The following RIC1 variants were observed in gnomAD, a reference collection of about 807,000 sequenced individuals.
RIC1 encodes the protein guanine nucleotide exchange factor subunit RIC1.
Under a neutral mutation model 169.0 loss-of-function variants are expected in RIC1, and 88 were observed. The ratio of observed to expected loss-of-function variants is 0.52; its 90% confidence interval spans 0.44 to 0.62. The LOEUF is 0.62. Among genes scored for constraint, RIC1 ranks in the 20% least tolerant of loss-of-function variants. The pLI, the probability that RIC1 is intolerant of heterozygous loss-of-function variation, is 0.00. For synonymous variants in RIC1, 790 were observed against 601.5 expected, an observed-to-expected ratio of 1.31 and a Z score of -4.59; for missense variants, 1,877 against 1,725.5, an observed-to-expected ratio of 1.09 and a Z score of -1.56.
chr9:5,707,213 TTTAG>T (rs1247139251), intron 3 of RIC1, among the ~76,000 whole-genome samples: 2 of 152,290 alleles, frequency 1.3e-5, no homozygotes, highest in South Asian at 4.1e-4. Context: ...TTTACTGATT[TTTAG>T]TTATATTCCA....
At chr9:5,717,697 T>G (rs575657753) in intron 4 of RIC1, among the ~76,000 whole-genome samples, 52 of 151,306 alleles carry the variant, frequency 3.4e-4, no homozygotes, top group Middle Eastern at 3.4e-3. Flanking sequence ...ACAGAAAAAT[T>G]AGCTGGGCGT....
chr9:5,736,050 A>C (rs1824684476), intron 7 of RIC1, among the ~76,000 whole-genome samples: 1 of 152,220 alleles, frequency 6.6e-6, no homozygotes, highest in Admixed American at 6.5e-5. Flanking sequence ...AGCACTATAG[A>C]ATACCTAAAA....
intron 3 of RIC1, among the ~76,000 whole-genome samples, chr9:5,693,063 C>G (rs1821681791): frequency 6.6e-6 from 1 of 152,034 alleles, no homozygotes; most frequent in African/African-American, 2.4e-5. Flanking sequence ...ATGCTCCATC[C>G]AGCTACTACT....
intron 2 of RIC1, among the ~76,000 whole-genome samples, chr9:5,688,886 A>G (rs1821418914): frequency 6.6e-6 from 1 of 152,012 alleles, no homozygotes; most frequent in South Asian, 2.1e-4. Context: ...CTGCCACTTC[A>G]CTCTGTTAGG....
At position 5,757,355 on chromosome 9, in the gene RIC1, C is replaced by T. The variant is rs761132708; in HGVS notation, c.1896C>T (p.Ser632=). The T allele has an allele frequency of 6.2e-7, 1 of 1,613,980 alleles. No homozygotes were observed. Among genetic ancestry groups the T allele is most frequent in the East Asian group, 2.2e-5 (1 of 44,876 alleles). ...GTATTCAAGTTCTTCAGGAGGTTTC[C>T]ATGTCACGCTACATTCCTCACCCTT... ...TAGIQVLQEV[S]MSRYIPHPFL... The change falls in exon 17 of 26, where the codon TCC becomes TCT. Residue 632 remains serine, a synonymous_variant. Transcript: ENST00000414202.
At chr9:5,726,552 C>A (rs1209369405) in intron 6 of RIC1, among the ~76,000 whole-genome samples, 1 of 152,184 alleles carries the variant, frequency 6.6e-6, no homozygotes, top group Non-Finnish European at 1.5e-5. Flanking sequence ...AGTCCATTTA[C>A]ATTTAAGGTT....
Position 5,746,173 on chromosome 9 carries a change from A to G in RIC1, c.1248+90A>G, listed in dbSNP as rs1262507818. ...TGACATATGTATGGCGTATACTTCT[A>G]AAATTGGCATATTATCTTCTTTTCT... On this transcript the variant is annotated intron_variant, in intron 11 of 25. Transcript: ENST00000414202. 17 of 871,160 alleles carry G rather than the reference A, an allele frequency of 2.0e-5. No individual in the cohort carries two copies. The Admixed American group carries it at 2.1e-4, about 11-fold the overall frequency. The allele number at this position is 871,160 out of a possible 1,614,324, so 54.0% of individuals were successfully genotyped here.
chr9:5,704,966 G>C (rs1022721686), intron 3 of RIC1, among the ~76,000 whole-genome samples: 9 of 152,120 alleles, frequency 5.9e-5, no homozygotes, highest in African/African-American at 2.2e-4. Context: ...ATAATCAATT[G>C]ACCATAGGTA....
intron 6 of RIC1, among the ~76,000 whole-genome samples, chr9:5,731,526 T>G (rs899997535): frequency 6.6e-6 from 1 of 152,158 alleles, no homozygotes; most frequent in South Asian, 2.1e-4. Context: ...AATAAAGTGC[T>G]ATATTATAGT....
chr9:5,749,649 A>G (rs1825601983), intron 12 of RIC1, among the ~76,000 whole-genome samples: 1 of 150,166 alleles, frequency 6.7e-6, no homozygotes, highest in African/African-American at 2.5e-5. Flanking sequence ...GCTACCTTAT[A>G]CTCCTTAGCT....
At chr9:5,772,129 G>T (rs1827264711) in intron 23 of RIC1, among the ~76,000 whole-genome samples, 1 of 152,106 alleles carries the variant, frequency 6.6e-6, no homozygotes. Flanking sequence ...CTTTTTAAGT[G>T]GATGTTCCCC....
At chr9:5,764,407 C>T (rs1310785555) in intron 19 of RIC1, among the ~76,000 whole-genome samples, 1 of 152,168 alleles carries the variant, frequency 6.6e-6, no homozygotes, top group African/African-American at 2.4e-5. Flanking sequence ...CCTCATAGCA[C>T]ACAGTTTTTC....
rs550012451 is a variant in RIC1, at chr9:5,710,089, A to G, written c.333-3807A>G. Among the ~76,000 whole-genome samples the G allele has an allele frequency of 2.6e-5, 4 of 152,300 alleles. No individual in the cohort carries two copies. The East Asian group carries it at 7.7e-4, about 29-fold the overall frequency. On this transcript the variant is annotated intron_variant, in intron 3 of 25. Transcript: ENST00000414202. The stretch of plus-strand genomic sequence containing the variant: ...GCTAAAAATCCAAAGAGAAAGATAA[A>G]TAACTAAGGAAGAGCATCAAACTTG...
At position 5,757,934 on chromosome 9, in the gene RIC1, AT is replaced by A. The variant is rs1826101391; in HGVS notation, c.1992+485del. ...AGAGGATATGAGTCTTGTAGATAAT[AT>A]TGATAATTTTAGACTTTAAGTCTAA... On this transcript the variant is annotated intron_variant, in intron 17 of 25. Coordinates refer to ENST00000414202, the MANE Select transcript of RIC1 (RefSeq NM_020829.4). 5.3e-5 allele frequency among the ~76,000 whole-genome samples: 8 copies of A among 152,296 alleles called. No homozygotes were observed. In the South Asian group the frequency reaches 1.7e-3, roughly 32 times the overall value.
At chr9:5,772,110 C>T (rs1000862215) in intron 23 of RIC1, among the ~76,000 whole-genome samples, 22 of 152,134 alleles carry the variant, frequency 1.4e-4, no homozygotes, top group African/African-American at 5.3e-4. Context: ...TGATTGTGTT[C>T]TTAATTCTCT....
chr9:5,637,453 C>T (rs937650689), intron 1 of RIC1, among the ~76,000 whole-genome samples: 1 of 152,196 alleles, frequency 6.6e-6, no homozygotes, highest in African/African-American at 2.4e-5. Context: ...ATTTAACCTT[C>T]ATGTTCCAAA....
chr9:5,680,440 G>T lies in RIC1; in HGVS notation c.253-9519G>T, dbSNP rs1023858254. On this transcript the variant is annotated intron_variant, in intron 2 of 25. Transcript: ENST00000414202. ...GGTACCATCTCTTCCTTGTACCTCT[G>T]GTAGAATTCAGCTGTGAATCCATCT... 5.9e-5 allele frequency among the ~76,000 whole-genome samples: 9 copies of T among 152,260 alleles called. 1 individual carries two copies. Among genetic ancestry groups the T allele is most frequent in the African/African-American group, 2.2e-4 (9 of 41,544 alleles).
At chr9:5,717,957 C>A (rs776904162) in intron 4 of RIC1, among the ~76,000 whole-genome samples, 3 of 149,860 alleles carry the variant, frequency 2.0e-5, no homozygotes, top group South Asian at 2.1e-4. Flanking sequence ...CTGGCCAACA[C>A]GGCGAAACCT....
chr9:5,756,138 G>A, intron 15 of RIC1, 74 bp from the exon 16 acceptor site: 1 of 932,814 alleles, frequency 1.1e-6, no homozygotes, highest in Non-Finnish European at 1.4e-6. Flanking sequence ...GTTAAAAACA[G>A]CATGTTTAAA....
Sources: allele counts gnomAD v4.1 joint callset (sites outside exome capture counted in the v4.1 genomes callset), GRCh38; gene constraint gnomAD v4.1.1; transcripts MANE v1.5; gene names NCBI Gene and HGNC (gene_info 2026-07-23, HGNC 2026-07-21).